Variants in PDE4B observed in about 807,000 individuals in gnomAD.
PDE4B encodes the protein 3',5'-cyclic-AMP phosphodiesterase 4B.
A neutral mutation model predicts 82.2 loss-of-function variants in PDE4B; 20 were observed. The observed-to-expected ratio is 0.24, with a 90% confidence interval of 0.17 to 0.35. The LOEUF is 0.35. Ranked by LOEUF, PDE4B falls within the 10% of genes least tolerant of loss-of-function variation. The probability of loss-of-function intolerance (pLI) is 1.00; values close to 1 mark genes in which losing one functional copy is unlikely to be tolerated. For missense variants in PDE4B, 655 were observed against 907.2 expected (o/e 0.72, Z 3.57); for synonymous variants, 320 against 318.9 (o/e 1.00, Z -0.04).
chr1:66,370,493 T>C (rs1324806374), intron 16 of PDE4B, among the ~76,000 whole-genome samples: 1 of 152,146 alleles, frequency 6.6e-6, no homozygotes, highest in Non-Finnish European at 1.5e-5. Flanking sequence ...AGCTCTCTCA[T>C]CCAAAGCTCT....
At chr1:65,912,859 A>G (rs911835927) in intron 1 of PDE4B, among the ~76,000 whole-genome samples, 1 of 152,114 alleles carries the variant, frequency 6.6e-6, no homozygotes, top group African/African-American at 2.4e-5. Context: ...GTTCCTTTGT[A>G]GAAAAAGTGA....
chr1:66,319,875 A>T (rs993883532), intron 7 of PDE4B, among the ~76,000 whole-genome samples: 7 of 152,152 alleles, frequency 4.6e-5, no homozygotes. Context: ...GCAGTTTCCA[A>T]TGGTTCCTTC....
chr1:65,916,886 A>T (rs933151883), intron 2 of PDE4B, among the ~76,000 whole-genome samples: 10 of 152,110 alleles, frequency 6.6e-5, no homozygotes, highest in African/African-American at 2.4e-4. Flanking sequence ...GAAAATTTTA[A>T]ATTGTTTTGT....
At chr1:65,875,089 C>T (rs1280985422) in intron 1 of PDE4B, among the ~76,000 whole-genome samples, 1 of 151,602 alleles carries the variant, frequency 6.6e-6, no homozygotes, top group East Asian at 1.9e-4. Flanking sequence ...ACAATGAACT[C>T]AAACAAATGT....
intron 8 of PDE4B, among the ~76,000 whole-genome samples, chr1:66,340,547 T>G (rs1345143309): frequency 6.6e-6 from 1 of 152,166 alleles, no homozygotes; most frequent in African/African-American, 2.4e-5. Context: ...AAATGTATCT[T>G]CATGGCTCAG....
chr1:66,152,453 C>A, intron 3 of PDE4B: 1 of 263,186 alleles, frequency 3.8e-6, no homozygotes, highest in Non-Finnish European at 8.6e-6. Flanking sequence ...ACACCACCAC[C>A]TATGCAAGGT....
At chr1:65,863,930 A>T (rs1646481994) in intron 1 of PDE4B, among the ~76,000 whole-genome samples, 1 of 152,078 alleles carries the variant, frequency 6.6e-6, no homozygotes, top group African/African-American at 2.4e-5. Context: ...AATGCAGCAC[A>T]CTGATGGGTC....
At chr1:66,150,273 A>T (rs1032246636) in intron 3 of PDE4B, among the ~76,000 whole-genome samples, 2 of 148,946 alleles carry the variant, frequency 1.3e-5, no homozygotes, top group African/African-American at 5.2e-5. Context: ...TTTCTGAAAG[A>T]AAAAAAAAGG....
At chr1:65,851,583 A>G (rs1032700226) in intron 1 of PDE4B, among the ~76,000 whole-genome samples, 1 of 152,004 alleles carries the variant, frequency 6.6e-6, no homozygotes, top group Non-Finnish European at 1.5e-5. Context: ...GTGGTTTATG[A>G]TGCTATTTTA....
At chr1:65,828,797 A>T (rs1002606113) in intron 1 of PDE4B, among the ~76,000 whole-genome samples, 8 of 152,304 alleles carry the variant, frequency 5.3e-5, no homozygotes, top group Non-Finnish European at 7.4e-5. Context: ...TAAAAAGTTT[A>T]AAAAAGTTAT....
At chr1:66,339,778 T>C (rs1302475678) in intron 8 of PDE4B, among the ~76,000 whole-genome samples, 1 of 152,136 alleles carries the variant, frequency 6.6e-6, no homozygotes, top group Non-Finnish European at 1.5e-5. Flanking sequence ...AAATGTTTAG[T>C]CTCCATTTTT....
intron 3 of PDE4B, among the ~76,000 whole-genome samples, chr1:66,042,320 A>G (rs753824230): frequency 2.0e-5 from 3 of 151,862 alleles, no homozygotes; most frequent in Non-Finnish European, 2.9e-5. Flanking sequence ...AATTTATAAT[A>G]TATTTCAACA....
At chr1:66,337,302 G>C (rs1285479533) in intron 8 of PDE4B, among the ~76,000 whole-genome samples, 1 of 152,178 alleles carries the variant, frequency 6.6e-6, no homozygotes, top group Admixed American at 6.5e-5. Flanking sequence ...GGAGTTGGCC[G>C]GGCCAAGGGA....
chr1:65,858,049 G>A (rs1646413084), intron 1 of PDE4B, among the ~76,000 whole-genome samples: 2 of 152,096 alleles, frequency 1.3e-5, no homozygotes, highest in Admixed American at 6.6e-5. Flanking sequence ...TCTGAACTTC[G>A]AAGTTCCCAA....
At chr1:65,996,458 A>G (rs1221086492) in intron 3 of PDE4B, among the ~76,000 whole-genome samples, 5 of 152,150 alleles carry the variant, frequency 3.3e-5, no homozygotes, top group South Asian at 4.2e-4. Context: ...TTCACTCAAC[A>G]TATGTAATTG....
intron 3 of PDE4B, among the ~76,000 whole-genome samples, chr1:66,150,457 T>A (rs974470772): frequency 1.3e-5 from 2 of 152,242 alleles, no homozygotes; most frequent in African/African-American, 2.4e-5. Flanking sequence ...GGATTTTCTA[T>A]TTACAAGATT....
intron 3 of PDE4B, among the ~76,000 whole-genome samples, chr1:66,021,527 C>T (rs1370430206): frequency 6.6e-6 from 1 of 152,146 alleles, no homozygotes; most frequent in Admixed American, 6.5e-5. Context: ...TTTCAGCTTT[C>T]TATATATCGC....
intron 1 of PDE4B, among the ~76,000 whole-genome samples, chr1:65,901,910 C>T (rs1352831623): frequency 1.3e-5 from 2 of 151,962 alleles, no homozygotes; most frequent in African/African-American, 4.8e-5. Flanking sequence ...ATCTTTTTAA[C>T]TTCTTGGTTT....
chr1:66,208,458 G>A (rs1276190488), intron 3 of PDE4B, among the ~76,000 whole-genome samples: 3 of 152,188 alleles, frequency 2.0e-5, no homozygotes, highest in African/African-American at 7.2e-5. Flanking sequence ...GGAGGTTTTG[G>A]ATATGTGCTT....
Sources: allele counts gnomAD v4.1 joint callset (sites outside exome capture counted in the v4.1 genomes callset), GRCh38; gene constraint gnomAD v4.1.1; transcripts MANE v1.5; gene names NCBI Gene and HGNC (gene_info 2026-07-23, HGNC 2026-07-21).